CAPZB: variants seen among roughly 807,000 people sequenced by gnomAD.
CAPZB encodes the protein F-actin-capping protein subunit beta.
In CAPZB, 2 loss-of-function variants were observed where a neutral mutation model predicts 38.1. The observed-to-expected ratio is 0.05, with a 90% CI of 0.02 to 0.17. The LOEUF is 0.17. Among genes scored for constraint, CAPZB ranks in the 10% least tolerant of loss-of-function variants. The pLI is 1.00. For missense variants in CAPZB, 161 were observed against 334.2 expected (o/e 0.48, Z 4.04); for synonymous variants, 107 against 127.4 (o/e 0.84, Z 1.08).
At chr1:19,399,040 T>G (rs1191100890) in intron 2 of CAPZB, among the ~76,000 whole-genome samples, 2 of 151,938 alleles carry the variant, frequency 1.3e-5, no homozygotes, top group African/African-American at 4.8e-5. Context: ...TATTTTTTAG[T>G]AGAGACAGGG....
chr1:19,455,232 GGC>G (rs2094529333), intron 1 of CAPZB, among the ~76,000 whole-genome samples: 3 of 152,222 alleles, frequency 2.0e-5, no homozygotes, highest in Admixed American at 2.0e-4. Flanking sequence ...TGAAAGGCCT[GGC>G]TGTGCTGAGT....
chr1:19,395,809 AAACCACCTTCG>A (rs2100304894), intron 2 of CAPZB, among the ~76,000 whole-genome samples: 1 of 152,284 alleles, frequency 6.6e-6, no homozygotes, highest in East Asian at 1.9e-4. Flanking sequence ...ACAACATACA[AAACCACCTTCG>A]AGTCACCAGA....
intron 4 of CAPZB, among the ~76,000 whole-genome samples, chr1:19,362,676 G>A (rs1035787563): frequency 1.7e-4 from 26 of 152,012 alleles, no homozygotes; most frequent in African/African-American, 2.7e-4. Context: ...AAAAAAAACC[G>A]TGGAGGCCCA....
chr1:19,452,457 T>A (rs1209646428), intron 1 of CAPZB, among the ~76,000 whole-genome samples: 1 of 152,230 alleles, frequency 6.6e-6, no homozygotes, highest in Admixed American at 6.5e-5. Flanking sequence ...AACAATTCTA[T>A]GACTCTCAAA....
At chr1:19,373,212 A>C (rs2100396305) in intron 4 of CAPZB, among the ~76,000 whole-genome samples, 1 of 152,198 alleles carries the variant, frequency 6.6e-6, no homozygotes, top group Admixed American at 6.5e-5. Context: ...CTTCAGAGGG[A>C]GCCGTGAGGA....
chr1:19,416,898 G>T (rs2094382417), intron 2 of CAPZB, among the ~76,000 whole-genome samples: 1 of 131,260 alleles, frequency 7.6e-6, no homozygotes, highest in Non-Finnish European at 1.5e-5. Context: ...AGTATGCTCT[G>T]ACAGTAATCT....
intron 1 of CAPZB, among the ~76,000 whole-genome samples, chr1:19,422,610 G>T (rs1333579926): frequency 2.6e-5 from 4 of 151,992 alleles, no homozygotes; most frequent in African/African-American, 9.7e-5. Context: ...GGTGGCGGGC[G>T]CCTGTAGTTC....
chr1:19,366,281 A>AAAATAAAT (rs1239188512), intron 4 of CAPZB, among the ~76,000 whole-genome samples: 1 of 65,030 alleles, frequency 1.5e-5, no homozygotes. Flanking sequence ...ACCGTGTCTT[A>AAAATAAAT]AAATATATAT....
intron 1 of CAPZB, among the ~76,000 whole-genome samples, chr1:19,424,100 C>T (rs574246596): frequency 6.6e-6 from 1 of 152,312 alleles, no homozygotes; most frequent in East Asian, 1.9e-4. Context: ...GCGTGAGCCA[C>T]TGCACCTGGC....
intron 1 of CAPZB, among the ~76,000 whole-genome samples, chr1:19,428,722 G>A (rs1185835930): frequency 6.6e-6 from 1 of 152,128 alleles, no homozygotes; most frequent in Non-Finnish European, 1.5e-5. Flanking sequence ...GATCTTCTTC[G>A]TGTTTTGAGG....
chr1:19,397,867 A>C (rs867068216), intron 2 of CAPZB, among the ~76,000 whole-genome samples: 1 of 152,168 alleles, frequency 6.6e-6, no homozygotes, highest in African/African-American at 2.4e-5. Context: ...CGAATGCGGG[A>C]GGAGCCAGAT....
At position 19,485,441 on chromosome 1, in the gene CAPZB, TGGCGGCGGC is replaced by T; in HGVS notation, c.-12_-4del. ...GGGGGCCGTGCGGCCTTTACCATGGTGGCGGCGGCGGCGGCGGTCCCGGTCCCGGCGTCA... is the reference window on the plus strand; with the variant it reads ...GGGGGCCGTGCGGCCTTTACCATGGTGGCGGCGGTCCCGGTCCCGGCGTCA... On this transcript the variant is annotated 5_prime_UTR_variant, in exon 1 of 9. Coordinates refer to ENST00000264202, the MANE Select transcript of CAPZB (RefSeq NM_004930.5). 8.1e-7 allele frequency: 1 copy of T among 1,228,532 alleles called. No homozygotes were observed. The highest frequency in any genetic ancestry group is 1.0e-6 in the Non-Finnish European group (1 of 986,166). The allele number at this position is 1,228,532 out of a possible 1,614,324, so 76.1% of individuals were successfully genotyped here.
intron 1 of CAPZB, among the ~76,000 whole-genome samples, chr1:19,462,389 C>T (rs1489163342): frequency 6.0e-5 from 9 of 151,100 alleles, no homozygotes; most frequent in African/African-American, 1.2e-4. Context: ...ACCTGGGAGG[C>T]GGAGCTTGCA....
chr1:19,443,016 C>T (rs188601875), intron 1 of CAPZB, among the ~76,000 whole-genome samples: 8 of 152,138 alleles, frequency 5.3e-5, no homozygotes, highest in Admixed American at 1.3e-4. Flanking sequence ...ATACCCTTCC[C>T]CCAACAAAAA....
At chr1:19,358,593 T>G (rs1423571755) in intron 4 of CAPZB, among the ~76,000 whole-genome samples, 3 of 152,324 alleles carry the variant, frequency 2.0e-5, no homozygotes, top group South Asian at 2.1e-4. Flanking sequence ...GGGACTGCCG[T>G]GAGCAGAGGT....
chr1:19,438,808 C>T (rs112602685), intron 1 of CAPZB, among the ~76,000 whole-genome samples: 5 of 152,200 alleles, frequency 3.3e-5, no homozygotes, highest in Non-Finnish European at 5.9e-5. Context: ...AGGTGCTGTG[C>T]GTGACTCCCC....
intron 2 of CAPZB, among the ~76,000 whole-genome samples, chr1:19,392,728 C>G (rs1341296142): frequency 6.6e-6 from 1 of 152,146 alleles, no homozygotes. Flanking sequence ...GAAGTCGAGG[C>G]TGCAGTGAGC....
At chr1:19,433,442 A>G (rs1403393531) in intron 1 of CAPZB, among the ~76,000 whole-genome samples, 1 of 152,254 alleles carries the variant, frequency 6.6e-6, no homozygotes. Context: ...GAAGCAGCCA[A>G]TTCACATAAA....
rs558947948 is a variant in CAPZB, at chr1:19,392,250, T to C, written c.94-6624A>G. 1.7e-3 allele frequency among the ~76,000 whole-genome samples: 257 copies of C among 150,384 alleles called. 1 individual carries two copies. The highest frequency in any genetic ancestry group is 5.2e-3 in the African/African-American group (212 of 40,902). On this transcript the variant is annotated intron_variant, in intron 2 of 8. Coordinates refer to ENST00000264202, the MANE Select transcript of CAPZB (RefSeq NM_004930.5). ...GCAGGAGACGACAGAAGGGGGTTGC[T>C]GTGGGGGCAAGTCAGCAGTCTAGGA...
Sources: gnomAD v4.1 joint callset for allele counts (sites outside exome capture counted in the v4.1 genomes callset) on GRCh38, gnomAD v4.1.1 for gene constraint, MANE v1.5 for transcripts, NCBI Gene and HGNC (gene_info 2026-07-23, HGNC 2026-07-21) for gene names.